RNF220: variants seen among roughly 807,000 people sequenced by gnomAD.
RNF220 encodes ring finger protein 220.
A neutral mutation model predicts 67.1 loss-of-function variants in RNF220; 7 were observed. The observed-to-expected ratio is 0.10, with a 90% CI of 0.06 to 0.20. The LOEUF (loss-of-function observed/expected upper bound fraction) is 0.20. Ranked by LOEUF, RNF220 falls within the 10% of genes least tolerant of loss-of-function variation. The pLI is 1.00. For missense variants in RNF220, 565 were observed against 740.3 expected (o/e 0.76, Z 2.75); for synonymous variants, 270 against 283.2 (o/e 0.95, Z 0.47).
In RNF220 at chr1:44,651,249, A is replaced by G; in HGVS notation, c.*474A>G. Reference sequence around the variant, plus strand: ...TGTATGATTTTCTTCTTTTTTAAGAACCCCTGGAAGCAGCGCCTCCTTCAG... The same window carrying G: ...TGTATGATTTTCTTCTTTTTTAAGAGCCCCTGGAAGCAGCGCCTCCTTCAG... On this transcript the variant is annotated 3_prime_UTR_variant, in exon 15 of 15. Transcript: ENST00000361799. 1 of 178,142 alleles carries G rather than the reference A, an allele frequency of 5.6e-6. No homozygotes were observed. Among genetic ancestry groups the G allele is most frequent in the Admixed American group, 5.5e-5 (1 of 18,288 alleles). 11.0% of individuals were successfully genotyped at this position (178,142 alleles called of 1,614,324 possible).
chr1:44,439,931 C>T (rs774673229), intron 2 of RNF220, among the ~76,000 whole-genome samples: 6 of 151,528 alleles, frequency 4.0e-5, no homozygotes, highest in East Asian at 1.9e-4. Context: ...ATGCTAGAGA[C>T]GGGAACAAAA....
At chr1:44,544,110 G>T (rs1661916633) in intron 2 of RNF220, among the ~76,000 whole-genome samples, 1 of 152,208 alleles carries the variant, frequency 6.6e-6, no homozygotes, top group Non-Finnish European at 1.5e-5. Context: ...CCAGCAAGAG[G>T]TCGGGAGGAC....
rs2148450788 is a variant in RNF220, at chr1:44,622,938, T to C, written c.804+151T>C. 1 of 687,954 alleles carries C rather than the reference T, an allele frequency of 1.5e-6. No individual in the cohort carries two copies. 42.6% of individuals were successfully genotyped at this position (687,954 alleles called of 1,614,324 possible). On this transcript the variant is annotated intron_variant, in intron 4 of 14. Coordinates refer to ENST00000361799, the MANE Select transcript of RNF220 (RefSeq NM_018150.4). The surrounding 1 kb of genome is among the most constrained non-coding windows in gnomAD (Gnocchi z 4.3). Reference sequence around the variant, plus strand: ...AACTATCTCCAGGTCTTGAACATCATCCTGAGGCCTAGGGCTGCGCCGTGT... The same window carrying C: ...AACTATCTCCAGGTCTTGAACATCACCCTGAGGCCTAGGGCTGCGCCGTGT...
intron 2 of RNF220, among the ~76,000 whole-genome samples, chr1:44,597,997 G>A (rs1666650737): frequency 6.9e-6 from 1 of 144,984 alleles, no homozygotes; most frequent in Non-Finnish European, 1.5e-5. Flanking sequence ...GTTCTCTCTC[G>A]AACACAGGTG....
intron 2 of RNF220, among the ~76,000 whole-genome samples, chr1:44,467,673 T>C (rs1654407344): frequency 6.6e-6 from 1 of 152,188 alleles, no homozygotes; most frequent in African/African-American, 2.4e-5. Flanking sequence ...ATAAGACTGT[T>C]TCATTTCTTA....
chr1:44,418,201 C>T (rs1031099274), intron 2 of RNF220, among the ~76,000 whole-genome samples: 32 of 152,168 alleles, frequency 2.1e-4, no homozygotes, highest in African/African-American at 6.0e-4. Context: ...GTGAGGGGGA[C>T]ACAGCGCGGG....
intron 2 of RNF220, among the ~76,000 whole-genome samples, chr1:44,570,795 C>T (rs912583087): frequency 2.6e-5 from 4 of 152,252 alleles, no homozygotes; most frequent in Non-Finnish European, 4.4e-5. Flanking sequence ...TAAATCAGGC[C>T]GAGTGTGGTG....
At chr1:44,636,817 G>A (rs1644344605) in intron 8 of RNF220, among the ~76,000 whole-genome samples, 3 of 152,190 alleles carry the variant, frequency 2.0e-5, no homozygotes, top group Admixed American at 2.0e-4. Context: ...GAGTGTGCAG[G>A]GCCCTGCCCA....
At position 44,636,141 on chromosome 1, in the gene RNF220, C is replaced by T; in HGVS notation, c.1105C>T (p.Leu369Phe). 6.2e-7 allele frequency: 1 copy of T among 1,607,184 alleles called. No individual in the cohort carries two copies. The highest frequency in any genetic ancestry group is 8.5e-7 in the Non-Finnish European group (1 of 1,174,578). ...ACAGAAGCGGATACGGGCCACCACT[C>T]TCCTGGAAGGTGGCTTCCGAGGTAC... Reference protein sequence around the residue: ...CGQKRIRATTLLEGGFRGSGF... With the variant: ...CGQKRIRATTFLEGGFRGSGF... Residue 369 changes from leucine to phenylalanine, a missense_variant, in exon 8 of 15, where the codon CTC becomes TTC. Transcript: ENST00000361799.
chr1:44,531,452 A>G (rs1304978134), intron 2 of RNF220, among the ~76,000 whole-genome samples: 1 of 152,180 alleles, frequency 6.6e-6, no homozygotes, highest in Admixed American at 6.5e-5. Flanking sequence ...CCAAGCATTT[A>G]GTTGCTCTCT....
chr1:44,511,198 AG>A (rs1163687927), intron 2 of RNF220, among the ~76,000 whole-genome samples: 1 of 152,228 alleles, frequency 6.6e-6, no homozygotes, highest in Non-Finnish European at 1.5e-5. Flanking sequence ...GGAAAAGAAA[AG>A]GCTTTGCCTG....
In RNF220 at chr1:44,551,437, G is replaced by A. The variant is rs140817160; in HGVS notation, c.626-62728G>A. 8.6e-5 allele frequency among the ~76,000 whole-genome samples: 13 copies of A among 151,874 alleles called. No individual in the cohort carries two copies. In the East Asian group the frequency reaches 2.1e-3, roughly 25 times the overall value. On this transcript the variant is annotated intron_variant, in intron 2 of 14. Transcript: ENST00000361799. ...GCCATTTTTTTTGTTATTATTAATA[G>A]GACTGATGAGGATTCATATTTTTGA...
chr1:44,479,185 G>A (rs558325802), intron 2 of RNF220, among the ~76,000 whole-genome samples: 1 of 150,592 alleles, frequency 6.6e-6, no homozygotes, highest in African/African-American at 2.4e-5. Context: ...GCGCATTCTC[G>A]GCTCACTGCA....
intron 2 of RNF220, among the ~76,000 whole-genome samples, chr1:44,551,502 G>T (rs567847692): frequency 2.9e-4 from 44 of 152,102 alleles, no homozygotes; most frequent in Admixed American, 5.2e-4. Flanking sequence ...TCCTAGAAAA[G>T]AAATTATTGG....
chr1:44,529,693 T>C (rs142161202), intron 2 of RNF220, among the ~76,000 whole-genome samples: 1 of 152,256 alleles, frequency 6.6e-6, no homozygotes, highest in Admixed American at 6.5e-5. Context: ...TATTTATATT[T>C]TAAAAAGGAG....
chr1:44,462,564 GTACTA>G (rs1391255753), intron 2 of RNF220, among the ~76,000 whole-genome samples: 2 of 152,158 alleles, frequency 1.3e-5, no homozygotes, highest in African/African-American at 4.8e-5. Flanking sequence ...TTATATAACA[GTACTA>G]GTAAGGGGTT....
At chr1:44,557,899 C>T (rs535664352) in intron 2 of RNF220, among the ~76,000 whole-genome samples, 7 of 152,344 alleles carry the variant, frequency 4.6e-5, no homozygotes, top group African/African-American at 1.7e-4. Context: ...GTCATCGACC[C>T]TTCCCCACTG....
rs141919736 is a variant in RNF220 at position 44,462,459 on chromosome 1, A to G, written c.625+49737A>G. On this transcript the variant is annotated intron_variant, in intron 2 of 14. Coordinates refer to ENST00000361799, the MANE Select transcript of RNF220 (RefSeq NM_018150.4). ...AAGAGTATCAATAAAGTCTGAGAATATTAAGGAAAATTTGAAAGGCCATGA... is the reference window on the plus strand; with the variant it reads ...AAGAGTATCAATAAAGTCTGAGAATGTTAAGGAAAATTTGAAAGGCCATGA... Among the ~76,000 whole-genome samples, 756 of 152,324 alleles carry G rather than the reference A, an allele frequency of 5.0e-3. 4 individuals carry two copies. Among genetic ancestry groups the G allele is most frequent in the Non-Finnish European group, 7.6e-3 (517 of 68,022 alleles).
chr1:44,461,990 C>T, intron 2 of RNF220, among the ~76,000 whole-genome samples: 1 of 138,484 alleles, frequency 7.2e-6, no homozygotes, highest in East Asian at 2.1e-4. Flanking sequence ...TGCAGTGGTG[C>T]CATCTTGGCT....
Sources: gnomAD v4.1 joint callset for allele counts (sites outside exome capture counted in the v4.1 genomes callset) on GRCh38, gnomAD v4.1.1 for gene constraint, Gnocchi (gnomAD v3.1) non-coding constraint, MANE v1.5 for transcripts, NCBI Gene and HGNC (gene_info 2026-07-23, HGNC 2026-07-21) for gene names.